BRWD3: variants seen among roughly 807,000 people sequenced by gnomAD.
BRWD3 encodes bromodomain and WD repeat-containing protein 3.
A neutral mutation model predicts 149.7 loss-of-function variants in BRWD3; 10 were observed. The ratio of observed to expected loss-of-function variants is 0.07; its 90% CI spans 0.04 to 0.11. BRWD3 has a LOEUF of 0.11. Among genes scored for constraint, BRWD3 ranks in the 10% least tolerant of loss-of-function variants. The pLI is 1.00. For synonymous variants in BRWD3, 504 were observed against 456.7 expected (o/e 1.10, Z -1.32); for missense variants, 940 against 1,373.2 (o/e 0.68, Z 4.99).
chrX:80,709,657 G>A (rs2072929395), intron 20 of BRWD3, 80 bp from the exon 21 acceptor site: 2 of 906,522 alleles, frequency 2.2e-6, no homozygotes, highest in East Asian at 3.4e-5. Flanking sequence ...AGCAAATTAG[G>A]TGGGGGGTAG....
Position 80,676,946 on chromosome X carries a change from C to T in BRWD3, c.5072G>A (p.Gly1691Asp), listed in dbSNP as rs770696972. The T allele has an allele frequency of 1.7e-6, 2 of 1,198,477 alleles. No homozygotes were observed. Among genetic ancestry groups the T allele is most frequent in the Admixed American group, 4.4e-5 (2 of 45,555 alleles). ...RWSRGGRGRG[G>D]RGRGSRGRGG... The stretch of plus-strand genomic sequence containing the variant: ...TCTTCCTCGACTCCCTCGTCCCCTG[C>T]CTCCTCTTCCTCTGCCTCCTCTACT... The change falls in exon 41 of 41, where the codon GGC becomes GAC. Residue 1691 changes from glycine to aspartate, a missense_variant. By Grantham distance (94) the Gly-to-Asp change is moderately conservative. Transcript: ENST00000373275.
intron 8 of BRWD3, among the ~76,000 whole-genome samples, chrX:80,743,474 C>G (rs1279749976): frequency 9.0e-6 from 1 of 111,590 alleles, no homozygotes; most frequent in Non-Finnish European, 1.9e-5. Flanking sequence ...AGGAATGGTA[C>G]CAGCTCCTCC....
At chrX:80,745,449 T>A in intron 7 of BRWD3, 120 bp downstream of exon 7, 4 of 598,265 alleles carry the variant, frequency 6.7e-6, no homozygotes, top group Non-Finnish European at 1.0e-5. Flanking sequence ...ACTCATCTTT[T>A]TCTGCACCCA....
chrX:80,674,534 G>A lies in BRWD3; in HGVS notation c.*2075C>T, dbSNP rs1297828294. The A allele has an allele frequency of 9.0e-6, 1 of 111,313 alleles. No individual in the cohort carries two copies. Among genetic ancestry groups the A allele is most frequent in the African/African-American group, 3.3e-5 (1 of 30,653 alleles). 9.2% of individuals were successfully genotyped at this position (111,313 alleles called of 1,213,427 possible). On this transcript the variant is annotated 3_prime_UTR_variant, in exon 41 of 41. Transcript: ENST00000373275. ...AGTATTATTGATTTCAGGAATACAGGCACAATTTAGTCTAAATGCCCAAGA... is the reference window on the plus strand; with the variant it reads ...AGTATTATTGATTTCAGGAATACAGACACAATTTAGTCTAAATGCCCAAGA...
At chrX:80,808,078 CA>C (rs1416284184) in intron 4 of BRWD3, among the ~76,000 whole-genome samples, 2 of 90,704 alleles carry the variant, frequency 2.2e-5, no homozygotes, top group African/African-American at 4.0e-5. Context: ...CCGCCCCCCC[CA>C]AAAAAGACCA....
intron 6 of BRWD3, among the ~76,000 whole-genome samples, chrX:80,746,599 C>A (rs1037949507): frequency 6.3e-5 from 7 of 111,393 alleles, no homozygotes; most frequent in Non-Finnish European, 1.1e-4. Flanking sequence ...GTGCTTAACA[C>A]CCCACACAAT....
intron 6 of BRWD3, among the ~76,000 whole-genome samples, chrX:80,788,570 C>T (rs754227470): frequency 2.7e-5 from 3 of 111,292 alleles, no homozygotes; most frequent in South Asian, 3.7e-4. Flanking sequence ...CACAACAGTT[C>T]GGCAGTTTCT....
rs200785065 is a variant in BRWD3 at position 80,681,471 on chromosome X, T to C, written c.4524A>G (p.Leu1508=). 65 of 1,205,922 alleles carry C rather than the reference T, an allele frequency of 5.4e-5. 1 individual carries two copies. The highest frequency in any genetic ancestry group is 4.2e-4 in the East Asian group (14 of 33,703). The change falls in exon 40 of 41, where the codon CTA becomes CTG. Residue 1508 remains leucine (L), a synonymous_variant. Coordinates refer to ENST00000373275, the MANE Select transcript of BRWD3 (RefSeq NM_153252.5). ...PVSDAAEGLS[L]YLLDDEPDGP... is the part of the protein sequence containing the mutation. ...CATCTGGCTCATCATCAAGTAGATATAGTGAAAGCCCTTCAGCAGCATCTG... is the reference window on the plus strand; with the variant it reads ...CATCTGGCTCATCATCAAGTAGATACAGTGAAAGCCCTTCAGCAGCATCTG...
At chrX:80,787,196 C>T (rs906632752) in intron 6 of BRWD3, among the ~76,000 whole-genome samples, 1 of 111,491 alleles carries the variant, frequency 9.0e-6, no homozygotes, top group Non-Finnish European at 1.9e-5. Flanking sequence ...AACTACAAAA[C>T]GCTGCTATGA....
chrX:80,678,627 C>G (rs2072401390), intron 40 of BRWD3, among the ~76,000 whole-genome samples: 1 of 111,235 alleles, frequency 9.0e-6, no homozygotes, highest in Non-Finnish European at 1.9e-5. Context: ...TAAAGAGAGA[C>G]AACGTGGCTG....
intron 9 of BRWD3, among the ~76,000 whole-genome samples, 197 bp downstream of exon 9, chrX:80,735,791 G>A (rs1161165213): frequency 4.1e-5 from 4 of 97,201 alleles, no homozygotes; most frequent in Admixed American, 3.4e-4. Context: ...GCAACAGAGC[G>A]AGACTCTGTC....
chrX:80,732,330 C>T (rs2073345037), intron 12 of BRWD3, among the ~76,000 whole-genome samples: 1 of 111,877 alleles, frequency 8.9e-6, no homozygotes, highest in South Asian at 3.7e-4. Flanking sequence ...AGGCTAGAGC[C>T]TTTTTGGCCA....
At position 80,809,426 on chromosome X, in the gene BRWD3, G is replaced by A. The variant is rs776021280; in HGVS notation, c.31+15C>T. 6.5e-6 allele frequency: 6 copies of A among 922,926 alleles called. No homozygotes were observed. Among genetic ancestry groups the A allele is most frequent in the Non-Finnish European group, 9.3e-6 (6 of 645,871 alleles). The allele number at this position is 922,926 out of a possible 1,213,427, so 76.1% of individuals were successfully genotyped here. A position where few individuals can be genotyped will look rare whatever the true frequency, so the allele number is the denominator to read the frequency against. ...TTCCCTTAGCACCCCCCCACCCCCC[G>A]ACACAGCTACCCACCGGCTTCGATC... is the stretch of plus-strand genomic sequence containing the variant. On this transcript the variant is annotated intron_variant, in intron 1 of 40. Transcript: ENST00000373275.
chrX:80,676,665 C>T lies in BRWD3; in HGVS notation c.5353G>A (p.Val1785Met). 8.3e-7 allele frequency: 1 copy of T among 1,210,589 alleles called. No individual in the cohort carries two copies. Among genetic ancestry groups the T allele is most frequent in the Admixed American group, 2.2e-5 (1 of 45,887 alleles). Residue 1785 changes from valine (V) to methionine (M), a missense_variant, in exon 41 of 41, where the codon GTG becomes ATG. Around this residue, in one of 6 missense-constraint regions of BRWD3, gnomAD observed 16 missense variants for 42.0 expected, o/e 0.38. Coordinates refer to ENST00000373275, the MANE Select transcript of BRWD3 (RefSeq NM_153252.5). The stretch of plus-strand genomic sequence containing the variant: ...CTGGCTTTTTCTGTCATTTTACGCA[C>T]TCTGCCTGATCTGGATGTACCAAGA... Reference protein sequence around the residue: ...LNLGTSRSGRVRKMTEKARVS... With the variant: ...LNLGTSRSGRMRKMTEKARVS...
At chrX:80,687,828 T>C (rs1025052114) in intron 34 of BRWD3, among the ~76,000 whole-genome samples, 1 of 109,950 alleles carries the variant, frequency 9.1e-6, no homozygotes, top group Non-Finnish European at 1.9e-5. Flanking sequence ...AGGGGAAAGA[T>C]AATAATAGCA....
chrX:80,690,455 T>C (rs2072596261), intron 31 of BRWD3, among the ~76,000 whole-genome samples: 1 of 111,424 alleles, frequency 9.0e-6, no homozygotes, highest in Non-Finnish European at 1.9e-5. Flanking sequence ...CAGATTTTTA[T>C]CTAATTACTT....
intron 19 of BRWD3, 63 bp from the exon 20 acceptor site, chrX:80,716,313 C>A (rs2073073646): frequency 3.3e-6 from 3 of 908,514 alleles, no homozygotes; most frequent in African/African-American, 1.9e-5. Flanking sequence ...ATTTAAGAAT[C>A]AGATAATAAA....
intron 6 of BRWD3, among the ~76,000 whole-genome samples, chrX:80,763,626 C>A: frequency 8.9e-6 from 1 of 111,979 alleles, no homozygotes; most frequent in South Asian, 3.7e-4. Flanking sequence ...AAAACAAAAT[C>A]TATTTACGAT....
At chrX:80,726,266 T>G (rs2073241812) in intron 14 of BRWD3, among the ~76,000 whole-genome samples, 2 of 103,032 alleles carry the variant, frequency 1.9e-5, no homozygotes, top group South Asian at 1.0e-3. Flanking sequence ...TATAACACGT[T>G]TACATGTTAT....
Sources: gnomAD v4.1 joint callset for allele counts (sites outside exome capture counted in the v4.1 genomes callset) on GRCh38, gnomAD v4.1.1 for gene constraint, gnomAD v4.1.1 regional missense constraint, MANE v1.5 for transcripts, NCBI Gene and HGNC (gene_info 2026-07-23, HGNC 2026-07-21) for gene names.